L3MBTL4: variants seen among roughly 807,000 people sequenced by gnomAD.
L3MBTL4 encodes lethal(3)malignant brain tumor-like protein 4.
L3MBTL4 carries 70 observed loss-of-function variants against 84.5 expected under a neutral mutation model. The observed-to-expected ratio is 0.83, with a 90% confidence interval of 0.68 to 1.01. The LOEUF is 1.01. Ranked by LOEUF, L3MBTL4 falls within the 50% of genes least tolerant of loss-of-function variation. The probability of loss-of-function intolerance (pLI) is 0.00; values close to 1 mark genes in which losing one functional copy is unlikely to be tolerated. For synonymous variants in L3MBTL4, 274 were observed against 259.8 expected, an observed-to-expected ratio of 1.05 and a Z score of -0.52; for missense variants, 715 against 754.8, an observed-to-expected ratio of 0.95 and a Z score of 0.62.
intron 1 of L3MBTL4, among the ~76,000 whole-genome samples, chr18:6,322,609 T>A (rs113822911): frequency 1.3e-3 from 199 of 152,100 alleles, no homozygotes; most frequent in African/African-American, 4.4e-3. Flanking sequence ...GCAACCTAAG[T>A]ATCCATGAAC....
intron 1 of L3MBTL4, among the ~76,000 whole-genome samples, chr18:6,371,396 C>T (rs910206556): frequency 6.6e-6 from 1 of 152,188 alleles, no homozygotes; most frequent in African/African-American, 2.4e-5. Context: ...GCTGGTTACT[C>T]TGTAAGCGAG....
intron 16 of L3MBTL4, among the ~76,000 whole-genome samples, chr18:5,999,184 T>C (rs1034760329): frequency 3.3e-5 from 5 of 152,228 alleles, no homozygotes; most frequent in Non-Finnish European, 7.3e-5. Flanking sequence ...CCTAGTTCTC[T>C]GCTTTTGATT....
chr18:6,332,797 C>T (rs2052109166), intron 1 of L3MBTL4, among the ~76,000 whole-genome samples: 1 of 152,218 alleles, frequency 6.6e-6, no homozygotes, highest in South Asian at 2.1e-4. Flanking sequence ...AATAACTTCC[C>T]TTTTCTGGTT....
At chr18:6,000,940 T>C (rs912803579) in intron 16 of L3MBTL4, among the ~76,000 whole-genome samples, 1 of 152,224 alleles carries the variant, frequency 6.6e-6, no homozygotes, top group Non-Finnish European at 1.5e-5. Flanking sequence ...AGAACTATTT[T>C]GGATCTCTGG....
chr18:6,127,811 G>C (rs1231750663), intron 14 of L3MBTL4, among the ~76,000 whole-genome samples: 1 of 152,116 alleles, frequency 6.6e-6, no homozygotes, highest in Admixed American at 6.6e-5. Flanking sequence ...TGGTGGAGGG[G>C]AGGCTCTTCT....
chr18:6,407,493 G>A (rs893672652), intron 1 of L3MBTL4, among the ~76,000 whole-genome samples: 1 of 152,168 alleles, frequency 6.6e-6, no homozygotes, highest in Admixed American at 6.5e-5. Context: ...TCACCTTTAT[G>A]ATATCAAAGG....
intron 3 of L3MBTL4, among the ~76,000 whole-genome samples, chr18:6,310,798 G>A (rs2050791275): frequency 6.6e-6 from 1 of 152,184 alleles, no homozygotes; most frequent in Non-Finnish European, 1.5e-5. Flanking sequence ...GGTGACTACA[G>A]GCATAGTGAA....
intron 16 of L3MBTL4, among the ~76,000 whole-genome samples, chr18:5,986,477 C>A (rs915726494): frequency 1.1e-4 from 16 of 152,218 alleles, no homozygotes; most frequent in African/African-American, 3.9e-4. Flanking sequence ...ATGATGAGGT[C>A]ATCTTTAATA....
At chr18:6,334,969 T>TA (rs2052254435) in intron 1 of L3MBTL4, among the ~76,000 whole-genome samples, 1 of 152,126 alleles carries the variant, frequency 6.6e-6, no homozygotes, top group African/African-American at 2.4e-5. Context: ...CTAGCAACAC[T>TA]AAAAAAAGCA....
chr18:6,105,644 C>CA (rs1214395601), intron 14 of L3MBTL4, among the ~76,000 whole-genome samples: 1 of 151,396 alleles, frequency 6.6e-6, no homozygotes, highest in South Asian at 2.1e-4. Context: ...ACTAAAAATA[C>CA]AAAAAATTAG....
At chr18:6,378,459 G>A (rs1391081824) in intron 1 of L3MBTL4, among the ~76,000 whole-genome samples, 4 of 152,134 alleles carry the variant, frequency 2.6e-5, no homozygotes, top group Non-Finnish European at 5.9e-5. Flanking sequence ...CAGGTCTTAT[G>A]TTTAAGTTTT....
chr18:6,021,522 C>T (rs1423220078), intron 16 of L3MBTL4, among the ~76,000 whole-genome samples: 3 of 152,206 alleles, frequency 2.0e-5, no homozygotes, highest in African/African-American at 7.2e-5. Context: ...GCGTGCCATC[C>T]TGTTCCCCTT....
At chr18:6,269,140 T>A (rs2048758599) in intron 4 of L3MBTL4, among the ~76,000 whole-genome samples, 1 of 152,296 alleles carries the variant, frequency 6.6e-6, no homozygotes, top group South Asian at 2.1e-4. Context: ...AGGTCGCTCA[T>A]GGATGGTGGC....
chr18:6,148,872 G>A (rs2042764697), intron 13 of L3MBTL4, among the ~76,000 whole-genome samples: 2 of 151,936 alleles, frequency 1.3e-5, no homozygotes, highest in Admixed American at 6.6e-5. Context: ...GAGTTAAATG[G>A]CACCTAAGGG....
At chr18:6,046,758 T>A (rs2056638704) in intron 16 of L3MBTL4, 1 of 774,822 alleles carries the variant, frequency 1.3e-6, no homozygotes, top group Non-Finnish European at 2.4e-6. Flanking sequence ...ACAAGCACTG[T>A]GAAGAGAAAA....
At position 6,003,092 on chromosome 18, in the gene L3MBTL4, AG is replaced by A. The variant is rs2054297434; in HGVS notation, c.1445-33531del. On this transcript the variant is annotated intron_variant, in intron 16 of 18. Transcript: ENST00000317931. ...TTTATAGAGATACTATATAAAATAT[AG>A]TATCTCTATTTATAGAGATACTATA... is the stretch of plus-strand genomic sequence containing the variant. 2.9e-5 allele frequency among the ~76,000 whole-genome samples: 3 copies of A among 103,942 alleles called. No individual in the cohort carries two copies. The South Asian group carries it at 8.3e-4, about 29-fold the overall frequency. 68.2% of individuals were successfully genotyped at this position (103,942 alleles called of 152,430 possible).
chr18:6,355,854 AC>A (rs2053421349), intron 1 of L3MBTL4, among the ~76,000 whole-genome samples: 2 of 151,294 alleles, frequency 1.3e-5, no homozygotes, highest in African/African-American at 4.8e-5. Flanking sequence ...AAAAAAAAAA[AC>A]AAACAAAGCA....
At position 5,956,119 on chromosome 18, in the gene L3MBTL4, G is replaced by C. The variant is rs2095225186; in HGVS notation, c.*101C>G. ...ACACTTTAAAAAGTCCAGATTCAGT[G>C]TGGATACGGCCATGGGGACATTCAC... On this transcript the variant is annotated 3_prime_UTR_variant, in exon 19 of 19. Transcript: ENST00000317931. The C allele has an allele frequency of 1.2e-5, 12 of 978,564 alleles. No individual in the cohort carries two copies. The highest frequency in any genetic ancestry group is 1.9e-5 in the Non-Finnish European group (12 of 644,876). The allele number at this position is 978,564 out of a possible 1,614,324, so 60.6% of individuals were successfully genotyped here.
chr18:6,318,622 T>C (rs1313411508), intron 1 of L3MBTL4, among the ~76,000 whole-genome samples: 1 of 150,566 alleles, frequency 6.6e-6, no homozygotes, highest in African/African-American at 2.4e-5. Flanking sequence ...AGCTCCCAGA[T>C]TCATAAAACA....
Sources: gnomAD v4.1 joint callset for allele counts (sites outside exome capture counted in the v4.1 genomes callset) on GRCh38, gnomAD v4.1.1 for gene constraint, MANE v1.5 for transcripts, NCBI Gene and HGNC (gene_info 2026-07-23, HGNC 2026-07-21) for gene names.